The following ESCO1 variants were observed in gnomAD, a reference collection of about 807,000 sequenced individuals.
The protein encoded by ESCO1 is N-acetyltransferase ESCO1.
ESCO1 carries 33 observed loss-of-function variants against 83.5 expected under a neutral mutation model. That is an observed-to-expected ratio of 0.40 (90% CI 0.30 to 0.53). The LOEUF (loss-of-function observed/expected upper bound fraction) is 0.53, where lower values mean the gene tolerates loss of function less well. ESCO1 is among the 20% of genes least tolerant of loss of function. The probability of loss-of-function intolerance (pLI) is 0.63; values close to 1 mark genes in which losing one functional copy is unlikely to be tolerated. For synonymous variants in ESCO1, 332 were observed against 324.3 expected, an observed-to-expected ratio of 1.02 and a Z score of -0.25; for missense variants, 855 against 968.0, an observed-to-expected ratio of 0.88 and a Z score of 1.55.
Position 21,574,469 on chromosome 18 carries a change from T to C in ESCO1, c.375A>G (p.Leu125=), listed in dbSNP as rs747097110. Reference sequence around the variant, plus strand: ...TTCTTGAAACCTCTGTTAATTGTTGTAGCCTTTGTGATCTCCGGTTAAGCT... The same window carrying C: ...TTCTTGAAACCTCTGTTAATTGTTGCAGCCTTTGTGATCTCCGGTTAAGCT... ...NEQLNRRSQR[L]QQLTEVSRRS... The change falls in exon 4 of 12, where the codon CTA becomes CTG. Residue 125 remains leucine (L), a synonymous_variant. Coordinates refer to ENST00000269214, the MANE Select transcript of ESCO1 (RefSeq NM_052911.3). The C allele has an allele frequency of 3.7e-6, 6 of 1,614,062 alleles. No homozygotes were observed. Among genetic ancestry groups the C allele is most frequent in the Middle Eastern group, 1.6e-4 (1 of 6,084 alleles).
intron 9 of ESCO1, among the ~76,000 whole-genome samples, chr18:21,539,207 A>T (rs911709546): frequency 1.3e-5 from 2 of 152,154 alleles, no homozygotes; most frequent in East Asian, 3.9e-4. Context: ...TTCTGCAATA[A>T]GCTTTTATTT....
At chr18:21,595,950 C>T (rs1027574797) in intron 1 of ESCO1, among the ~76,000 whole-genome samples, 27 of 151,042 alleles carry the variant, frequency 1.8e-4, no homozygotes, top group African/African-American at 6.1e-4. Context: ...GGCGACAGAG[C>T]GAGACTCCAT....
chr18:21,559,567 G>A (rs1030936703), intron 8 of ESCO1, among the ~76,000 whole-genome samples: 1 of 152,162 alleles, frequency 6.6e-6, no homozygotes, highest in Non-Finnish European at 1.5e-5. Context: ...CACCAGAATT[G>A]AATAATGTAC....
At chr18:21,535,317 C>T (rs1215316605) in intron 10 of ESCO1, among the ~76,000 whole-genome samples, 1 of 151,464 alleles carries the variant, frequency 6.6e-6, no homozygotes, top group Non-Finnish European at 1.5e-5. Flanking sequence ...TGGGTTCAAG[C>T]GATTCTCCTG....
At chr18:21,586,695 A>T (rs2038586726) in intron 1 of ESCO1, among the ~76,000 whole-genome samples, 1 of 152,118 alleles carries the variant, frequency 6.6e-6, no homozygotes, top group African/African-American at 2.4e-5. Context: ...GCAAAGAGAG[A>T]GAGTTTTACT....
Position 21,539,996 on chromosome 18 carries a change from T to C in ESCO1, c.1967A>G (p.Glu656Gly). 6.2e-7 allele frequency: 1 copy of C among 1,605,868 alleles called. No individual in the cohort carries two copies. Among genetic ancestry groups the C allele is most frequent in the Non-Finnish European group, 8.5e-7 (1 of 1,177,986 alleles). Residue 656 changes from glutamate to glycine, a missense_variant, in exon 9 of 12, where the codon GAA becomes GGA. Glu to Gly is a moderately conservative substitution (Grantham distance 98, BLOSUM62 -2). Coordinates refer to ENST00000269214, the MANE Select transcript of ESCO1 (RefSeq NM_052911.3). ...SAVKYVGWKK[E>G]RILAEYPDGR... is the part of the protein sequence containing the mutation. ...ATCAGGGTATTCAGCCAGAATTCTT[T>C]CTTTCTTCCAGCCCTAGATATATAT...
Position 21,574,369 on chromosome 18 carries a change from G to A in ESCO1, c.475C>T (p.Gln159Ter). The A allele has an allele frequency of 6.2e-7, 1 of 1,613,928 alleles. No individual in the cohort carries two copies. Among genetic ancestry groups the A allele is most frequent in the African/African-American group, 1.3e-5 (1 of 74,990 alleles). ...KQSLPPTKKEQCSSTQSKSNK... is the reference protein window; with the variant it reads ...KQSLPPTKKE ...GATTTACTCTGAGTACTGCTACACT[G>A]CTCTTTTTTAGTTGGTGGCAAACTC... Residue 159 changes from glutamine to a stop codon, truncating the protein, a stop_gained, in exon 4 of 12, where the codon CAG becomes TAG. Transcript: ENST00000269214. LOFTEE classifies it high-confidence loss of function.
In ESCO1 at chr18:21,540,013, G is replaced by T; in HGVS notation, c.1954-4C>A. On this transcript the variant is annotated splice_region_variant and splice_polypyrimidine_tract_variant and intron_variant, in intron 8 of 11. Transcript: ENST00000269214. ...GAATTCTTTCTTTCTTCCAGCCCTA[G>T]ATATATATATATATATATACACACA... 1 of 1,257,014 alleles carries T rather than the reference G, an allele frequency of 8.0e-7. No homozygotes were observed. 77.9% of individuals were successfully genotyped at this position (1,257,014 alleles called of 1,614,324 possible). A position where few individuals can be genotyped will look rare whatever the true frequency, so the allele number is the denominator to read the frequency against.
At chr18:21,585,663 G>A (rs1214088275) in intron 1 of ESCO1, among the ~76,000 whole-genome samples, 2 of 151,752 alleles carry the variant, frequency 1.3e-5, no homozygotes, top group African/African-American at 2.4e-5. Flanking sequence ...TCTCTATGTT[G>A]CCCAGGCAAG....
chr18:21,561,626 C>T (rs903430344), intron 7 of ESCO1, among the ~76,000 whole-genome samples: 4 of 152,146 alleles, frequency 2.6e-5, no homozygotes, highest in African/African-American at 7.2e-5. Context: ...TGGGGTTTCA[C>T]CATGTTGACC....
intron 2 of ESCO1, among the ~76,000 whole-genome samples, chr18:21,576,284 A>T (rs954006682): frequency 6.6e-6 from 1 of 152,122 alleles, no homozygotes; most frequent in African/African-American, 2.4e-5. Context: ...CTGAGGCAGA[A>T]GGTTAAAGCC....
Position 21,574,435 on chromosome 18 carries a change from G to A in ESCO1, c.409C>T (p.Arg137Cys), listed in dbSNP as rs372986074. ...QLTEVSRRSL[R>C]SREIQGQVQA... ...ACTTGACCCTGAATTTCTCTACTGC[G>A]TAACGACCTTCTTGAAACCTCTGTT... The change falls in exon 4 of 12, where the codon CGC (arginine) becomes TGC (cysteine). Residue 137 changes from arginine to cysteine, a missense_variant. By Grantham distance (180) the Arg-to-Cys change is radical. Around this residue, in one of 2 missense-constraint regions of ESCO1, gnomAD observed 726 missense variants for 699.5 expected, o/e 1.04. Transcript: ENST00000269214. 60 of 1,614,084 alleles carry A rather than the reference G, an allele frequency of 3.7e-5. 1 individual carries two copies. Among genetic ancestry groups the A allele is most frequent in the South Asian group, 2.0e-4 (18 of 91,078 alleles).
chr18:21,581,304 C>G (rs2658450), intron 2 of ESCO1, among the ~76,000 whole-genome samples: 125,286 of 151,276 alleles, frequency 0.83, 51,953 homozygotes, highest in East Asian at 0.98. Flanking sequence ...CTGGGCAACA[C>G]AGCGAGAATC....
At chr18:21,547,643 T>C (rs568619743) in intron 8 of ESCO1, among the ~76,000 whole-genome samples, 92 of 152,208 alleles carry the variant, frequency 6.0e-4, no homozygotes, top group Non-Finnish European at 7.9e-4. Context: ...TCTACCAATA[T>C]GTATATTTAA....
At chr18:21,533,828 T>C (rs966831946) in intron 10 of ESCO1, among the ~76,000 whole-genome samples, 7 of 152,244 alleles carry the variant, frequency 4.6e-5, no homozygotes, top group African/African-American at 1.7e-4. Flanking sequence ...CAGTTACTTA[T>C]TTAAATCAAT....
At chr18:21,550,885 G>A (rs1304106422) in intron 8 of ESCO1, among the ~76,000 whole-genome samples, 3 of 152,068 alleles carry the variant, frequency 2.0e-5, no homozygotes, top group Non-Finnish European at 4.4e-5. Context: ...GGCCGAGATG[G>A]GCGGATCACG....
chr18:21,577,393 C>T (rs1423634327), intron 2 of ESCO1, among the ~76,000 whole-genome samples: 2 of 137,684 alleles, frequency 1.5e-5, no homozygotes, highest in Non-Finnish European at 3.1e-5. Context: ...AAAGGCTGGG[C>T]TCACACCTGT....
chr18:21,574,345 A>G lies in ESCO1; in HGVS notation c.499T>C (p.Ser167Pro). 1 of 1,613,652 alleles carries G rather than the reference A, an allele frequency of 6.2e-7. No homozygotes were observed. The highest frequency in any genetic ancestry group is 8.5e-7 in the Non-Finnish European group (1 of 1,179,954). The change falls in exon 4 of 12, where the codon TCT (serine) becomes CCT (proline). Residue 167 changes from serine (S) to proline (P), a missense_variant. Ser to Pro is a moderately conservative substitution (Grantham distance 74, BLOSUM62 -1). Coordinates refer to ENST00000269214, the MANE Select transcript of ESCO1 (RefSeq NM_052911.3). ...ACATGTTTTTGACTTGTTTTATTAG[A>G]TTTACTCTGAGTACTGCTACACTGC... ...KEQCSSTQSK[S>P]NKTSQKHVKR...
At position 21,574,538 on chromosome 18, in the gene ESCO1, T is replaced by C; in HGVS notation, c.306A>G (p.Leu102=). 6.2e-7 allele frequency: 1 copy of C among 1,613,800 alleles called. No homozygotes were observed. Among genetic ancestry groups the C allele is most frequent in the Non-Finnish European group, 8.5e-7 (1 of 1,179,946 alleles). Residue 102 remains leucine (L), a synonymous_variant, in exon 4 of 12, where the codon TTA becomes TTG. Transcript: ENST00000269214. The part of the protein sequence containing the change: ...GYSQESTKKK[L]SQKKLVHENP... ...TTTCATGTACTAATTTTTTCTGAGA[T>C]AATTTCTTTTTTGTAGATTCTTGTG...
Sources: gnomAD v4.1 joint callset for allele counts (sites outside exome capture counted in the v4.1 genomes callset) on GRCh38, gnomAD v4.1.1 for gene constraint, gnomAD v4.1.1 regional missense constraint, MANE v1.5 for transcripts, NCBI Gene and HGNC (gene_info 2026-07-23, HGNC 2026-07-21) for gene names.